NXPE2: variants seen among roughly 807,000 people sequenced by gnomAD.
NXPE2 encodes NXPE family member 2.
A neutral mutation model predicts 34.4 loss-of-function variants in NXPE2; 34 were observed. That is an observed-to-expected ratio of 0.99 (90% confidence interval 0.75 to 1.31). The LOEUF is 1.31. Among genes scored for constraint, NXPE2 ranks in the 40% most tolerant of loss-of-function variants. NXPE2 has a pLI of 0.00. For synonymous variants in NXPE2, 235 were observed against 231.3 expected, an observed-to-expected ratio of 1.02 and a Z score of -0.15; for missense variants, 649 against 672.5, an observed-to-expected ratio of 0.97 and a Z score of 0.39.
the NXPE2 span, among the ~76,000 whole-genome samples, chr11:114,628,704 AC>A: frequency 1 from 149,640 of 150,194 alleles, 74,547 homozygotes; most frequent in Middle Eastern, 1. Context: ...GACACAAAAA[AC>A]CCCTTCAAAA....
chr11:114,794,483 C>T, the NXPE2 span, among the ~76,000 whole-genome samples: 3 of 152,188 alleles, frequency 2.0e-5, no homozygotes, highest in South Asian at 6.2e-4. Flanking sequence ...CCTACCACAC[C>T]AGGCAAGAAG....
At chr11:114,640,039 T>G in the NXPE2 span, among the ~76,000 whole-genome samples, 1 of 118,780 alleles carries the variant, frequency 8.4e-6, no homozygotes, top group Non-Finnish European at 1.6e-5. Flanking sequence ...CATAATTATA[T>G]TATTTTATAA....
chr11:114,689,161 C>A (rs982910773), intron 2 of NXPE2, among the ~76,000 whole-genome samples: 4 of 151,574 alleles, frequency 2.6e-5, no homozygotes, highest in Admixed American at 6.6e-5. Flanking sequence ...TTTCTATTTC[C>A]TTTAGGTGTG....
chr11:114,727,421 G>T, the NXPE2 span, among the ~76,000 whole-genome samples: 1 of 151,984 alleles, frequency 6.6e-6, no homozygotes, highest in Non-Finnish European at 1.5e-5. Flanking sequence ...TGTCTGAAAA[G>T]CCTCACTTCC....
At chr11:114,551,674 A>G in the NXPE2 span, among the ~76,000 whole-genome samples, 1 of 152,146 alleles carries the variant, frequency 6.6e-6, no homozygotes, top group African/African-American at 2.4e-5. Context: ...GGGAGGTGGG[A>G]TGGGTAGCTT....
the NXPE2 span, among the ~76,000 whole-genome samples, chr11:114,730,973 T>G: frequency 6.6e-6 from 1 of 152,296 alleles, no homozygotes; most frequent in East Asian, 1.9e-4. Flanking sequence ...TTGTTCCAGT[T>G]CTTAGGAAGA....
the NXPE2 span, among the ~76,000 whole-genome samples, chr11:114,772,333 G>A: frequency 2.6e-5 from 4 of 152,066 alleles, no homozygotes; most frequent in East Asian, 7.8e-4. Context: ...GAGCTTCCTA[G>A]TAGCTAAAGC....
the NXPE2 span, among the ~76,000 whole-genome samples, chr11:114,587,735 T>TA: frequency 2.0e-5 from 3 of 152,190 alleles, no homozygotes; most frequent in Non-Finnish European, 4.4e-5. Context: ...CGAAGGTGAC[T>TA]AAAGGGACAC....
the NXPE2 span, among the ~76,000 whole-genome samples, chr11:114,631,270 A>G: frequency 5.9e-5 from 9 of 151,832 alleles, no homozygotes; most frequent in African/African-American, 1.9e-4. Context: ...CTTGGAACCA[A>G]CCAAAATGTC....
chr11:114,639,945 CATA>C, the NXPE2 span, among the ~76,000 whole-genome samples: 1 of 102,334 alleles, frequency 9.8e-6, no homozygotes, highest in African/African-American at 4.2e-5. Flanking sequence ...TTAAATATAA[CATA>C]ATAGTTTGTA....
At chr11:114,707,249 G>A (rs1024179976), downstream of NXPE2, 12 of 299,356 alleles carry the variant, frequency 4.0e-5, no homozygotes, top group South Asian at 3.6e-4. Context: ...CCACCACCAT[G>A]CCAAGCTGAT....
chr11:114,465,514 G>A, the NXPE2 span, among the ~76,000 whole-genome samples: 1 of 152,154 alleles, frequency 6.6e-6, no homozygotes, highest in African/African-American at 2.4e-5. Flanking sequence ...TCAGGATAGT[G>A]GCTTACCTTC....
the NXPE2 span, among the ~76,000 whole-genome samples, chr11:114,581,101 GCTTT>G: frequency 4.6e-5 from 7 of 152,244 alleles, no homozygotes; most frequent in Admixed American, 2.0e-4. Flanking sequence ...GATTAGCAAG[GCTTT>G]CTTTCTTTTT....
the NXPE2 span, among the ~76,000 whole-genome samples, chr11:114,516,401 C>CA: frequency 6.6e-6 from 1 of 152,084 alleles, no homozygotes; most frequent in African/African-American, 2.4e-5. Context: ...CTTGGTCTCT[C>CA]AGATTACAAA....
the NXPE2 span, among the ~76,000 whole-genome samples, chr11:114,478,226 G>C: frequency 6.6e-6 from 1 of 152,116 alleles, no homozygotes; most frequent in Non-Finnish European, 1.5e-5. Flanking sequence ...CTGTGACGGG[G>C]AGGTAGTTAC....
chr11:114,656,967 A>C, the NXPE2 span, among the ~76,000 whole-genome samples: 1 of 152,184 alleles, frequency 6.6e-6, no homozygotes, highest in Admixed American at 6.5e-5. Context: ...GGTGGTGGAC[A>C]CCTGTAGTTC....
At chr11:114,605,597 A>G in the NXPE2 span, among the ~76,000 whole-genome samples, 1 of 151,886 alleles carries the variant, frequency 6.6e-6, no homozygotes, top group Non-Finnish European at 1.5e-5. Context: ...CTCGTCGGTA[A>G]CCACTGTTAC....
chr11:114,707,174 C>T (rs1022391294), downstream of NXPE2, among the ~76,000 whole-genome samples: 2 of 152,162 alleles, frequency 1.3e-5, no homozygotes, highest in African/African-American at 4.8e-5. Context: ...TTACTGCAAC[C>T]TCCACCTCCA....
the NXPE2 span, among the ~76,000 whole-genome samples, chr11:114,639,815 T>C: frequency 8.4e-6 from 1 of 118,930 alleles, no homozygotes; most frequent in Non-Finnish European, 1.6e-5. Flanking sequence ...TAAAATAATA[T>C]AAAATATAAT....
Sources: gnomAD v4.1 joint callset for allele counts (sites outside exome capture counted in the v4.1 genomes callset) on GRCh38, gnomAD v4.1.1 for gene constraint, MANE v1.5 for transcripts, NCBI Gene and HGNC (gene_info 2026-07-23, HGNC 2026-07-21) for gene names.